DKK3: variants seen among roughly 807,000 people sequenced by gnomAD.
DKK3 encodes dickkopf-related protein 3.
A neutral mutation model predicts 33.2 loss-of-function variants in DKK3; 22 were observed. The ratio of observed to expected loss-of-function variants is 0.66; its 90% CI spans 0.47 to 0.95. The LOEUF (loss-of-function observed/expected upper bound fraction) is 0.95, where lower values mean the gene tolerates loss of function less well. Among genes scored for constraint, DKK3 ranks in the 40% least tolerant of loss-of-function variants. The pLI is 0.00. For missense variants in DKK3, 398 were observed against 458.4 expected, an observed-to-expected ratio of 0.87 and a Z score of 1.20; for synonymous variants, 194 against 188.8, an observed-to-expected ratio of 1.03 and a Z score of -0.23.
At chr11:11,992,621 T>C (rs547477576) in intron 3 of DKK3, among the ~76,000 whole-genome samples, 12 of 152,342 alleles carry the variant, frequency 7.9e-5, no homozygotes, top group African/African-American at 2.2e-4. Flanking sequence ...CTCTTGGGCA[T>C]GGCCTGGAAT....
In DKK3 at chr11:11,964,829, C is replaced by G; in HGVS notation, c.831-143G>C. 2.1e-6 allele frequency: 3 copies of G among 1,445,696 alleles called. No individual in the cohort carries two copies. The South Asian group carries it at 4.2e-5, about 20-fold the overall frequency. 89.6% of individuals were successfully genotyped at this position (1,445,696 alleles called of 1,614,324 possible). A position where few individuals can be genotyped will look rare whatever the true frequency, so the allele number is the denominator to read the frequency against. On this transcript the variant is annotated intron_variant, in intron 6 of 6. Transcript: ENST00000683431. ...TCTCTTCAACAGAGACACTTCACTT[C>G]CCGTCAACATCTATCTTAAAATGAT...
chr11:11,976,283 G>A (rs1386683425), intron 3 of DKK3, among the ~76,000 whole-genome samples: 1 of 152,218 alleles, frequency 6.6e-6, no homozygotes, highest in Non-Finnish European at 1.5e-5. Flanking sequence ...CAGTTGCAAT[G>A]GAACCAAGAG....
At chr11:12,008,828 C>T (rs1848600319), upstream of DKK3, 8 of 1,169,056 alleles carry the variant, frequency 6.8e-6, no homozygotes, top group Non-Finnish European at 8.4e-6. This position sits in a 1 kb window ranked among gnomAD's most constrained non-coding sequence, Gnocchi z 4.6. Flanking sequence ...CCCAGGACCC[C>T]GCACCCCCAT....
At chr11:11,984,138 C>A (rs555132975) in intron 3 of DKK3, among the ~76,000 whole-genome samples, 1 of 152,242 alleles carries the variant, frequency 6.6e-6, no homozygotes, top group East Asian at 1.9e-4. Context: ...GTACTAGGGA[C>A]CCCTTTAACA....
intron 4 of DKK3, 56 bp downstream of exon 4, chr11:11,968,339 T>C: frequency 6.5e-7 from 1 of 1,527,082 alleles, no homozygotes; most frequent in African/African-American, 1.4e-5. Context: ...CCTGGCTTTC[T>C]CCCCCAGGTG....
chr11:12,003,510 C>T (rs562636697), intron 1 of DKK3, among the ~76,000 whole-genome samples: 2 of 152,248 alleles, frequency 1.3e-5, no homozygotes, highest in East Asian at 3.9e-4. Context: ...ATATCTGCAC[C>T]CAACTTCCCC....
intron 3 of DKK3, among the ~76,000 whole-genome samples, chr11:11,981,104 G>A (rs12286932): frequency 0.17 from 25,534 of 152,220 alleles, 2,230 homozygotes; most frequent in South Asian, 0.25. Flanking sequence ...CAGAGCACTT[G>A]GCTCTAATGA....
intron 3 of DKK3, chr11:11,968,776 A>G: frequency 3.3e-6 from 1 of 301,606 alleles, no homozygotes; most frequent in South Asian, 7.7e-5. Context: ...CCAGGGCGGG[A>G]GCACAGGGAC....
At chr11:11,968,592 A>C in intron 3 of DKK3, 105 bp from the exon 4 acceptor site, 3 of 1,125,842 alleles carry the variant, frequency 2.7e-6, no homozygotes, top group Non-Finnish European at 3.8e-6. Flanking sequence ...TCTTGACCCC[A>C]CAGGCTCAGC....
In DKK3 at chr11:11,970,973, A is replaced by G. The variant is rs145023771; in HGVS notation, c.436-2486T>C. Among the ~76,000 whole-genome samples the G allele has an allele frequency of 5.3e-3, 803 of 152,232 alleles. 2 individuals carry two copies. The highest frequency in any genetic ancestry group is 8.3e-3 in the Non-Finnish European group (566 of 68,018). On this transcript the variant is annotated intron_variant, in intron 3 of 6. Transcript: ENST00000683431. Reference sequence around the variant, plus strand: ...CAATAGGAAACTAATAAAATATTCAATGTTAGTTTCAGGAAATAGGCATTG... The same window carrying G: ...CAATAGGAAACTAATAAAATATTCAGTGTTAGTTTCAGGAAATAGGCATTG...
intron 3 of DKK3, among the ~76,000 whole-genome samples, chr11:11,979,469 G>A (rs1288541770): frequency 6.6e-6 from 1 of 152,230 alleles, no homozygotes; most frequent in African/African-American, 2.4e-5. Context: ...AACTGAATCC[G>A]GATGTGGATC....
chr11:11,965,760 C>G (rs1454695893), intron 6 of DKK3, 49 bp downstream of exon 6: 1 of 1,590,476 alleles, frequency 6.3e-7, no homozygotes, highest in Non-Finnish European at 8.6e-7. Flanking sequence ...TGCTGGATGG[C>G]ACCTCCTCAG....
intron 3 of DKK3, among the ~76,000 whole-genome samples, chr11:11,969,260 C>A (rs778814204): frequency 1.3e-5 from 2 of 152,238 alleles, no homozygotes; most frequent in African/African-American, 2.4e-5. Flanking sequence ...GCTCCTGGAC[C>A]TGCTGTCAGG....
In DKK3 at chr11:12,003,902, C is replaced by T. The variant is rs531782503; in HGVS notation, c.214-1465G>A. 2.6e-5 allele frequency among the ~76,000 whole-genome samples: 4 copies of T among 152,276 alleles called. No individual in the cohort carries two copies. The South Asian group carries it at 8.3e-4, about 32-fold the overall frequency. On this transcript the variant is annotated intron_variant, in intron 1 of 6. Coordinates refer to ENST00000683431, the MANE Select transcript of DKK3 (RefSeq NM_001018057.2). ...CTCATGTCTCAATGCAACACAAAAA[C>T]ACTAAACTCAAAGTGTGAATAAAAC...
chr11:11,969,736 C>T (rs981669764), intron 3 of DKK3, among the ~76,000 whole-genome samples: 8 of 152,174 alleles, frequency 5.3e-5, no homozygotes, highest in African/African-American at 1.4e-4. Context: ...CAGGCCTGGA[C>T]CTCCGGCAGC....
intron 3 of DKK3, among the ~76,000 whole-genome samples, chr11:11,987,911 C>A (rs1848104792): frequency 6.6e-6 from 1 of 152,200 alleles, no homozygotes; most frequent in African/African-American, 2.4e-5. Flanking sequence ...ACTACTGCTT[C>A]CTGCCACAAG....
At chr11:11,983,565 A>AAG (rs573039822) in intron 3 of DKK3, among the ~76,000 whole-genome samples, 2 of 152,316 alleles carry the variant, frequency 1.3e-5, no homozygotes, top group East Asian at 3.9e-4. Flanking sequence ...TGCCATGGGT[A>AAG]AGACAGGCTG....
chr11:12,001,155 A>G (rs1477156671), intron 2 of DKK3, among the ~76,000 whole-genome samples: 2 of 152,250 alleles, frequency 1.3e-5, no homozygotes, highest in African/African-American at 4.8e-5. Context: ...TTATTGTCAG[A>G]AAGGGTGACT....
In DKK3 at chr11:12,002,321, ATG is replaced by A. The variant is rs777214570; in HGVS notation, c.328_329del (p.His110CysfsTer73). On this transcript the variant is annotated frameshift_variant, in exon 2 of 7. Coordinates refer to ENST00000683431, the MANE Select transcript of DKK3 (RefSeq NM_001018057.2). LOFTEE classifies it high-confidence loss of function. ...TTACCTTGTGAATTTCTCGGTGCACATGGATGGTATTATTTCCAACCTTCGTG... is the reference window on the plus strand; with the variant it reads ...TTACCTTGTGAATTTCTCGGTGCACAGATGGTATTATTTCCAACCTTCGTG... The part of the protein sequence containing the change: ...TDTKVGNNTI[H>X]VHREIHKITN... 6.2e-7 allele frequency: 1 copy of A among 1,613,910 alleles called. No individual in the cohort carries two copies. Among genetic ancestry groups the A allele is most frequent in the South Asian group, 1.1e-5 (1 of 91,044 alleles).
Sources: gnomAD v4.1 joint callset for allele counts (sites outside exome capture counted in the v4.1 genomes callset) on GRCh38, gnomAD v4.1.1 for gene constraint, Gnocchi (gnomAD v3.1) non-coding constraint, MANE v1.5 for transcripts, NCBI Gene and HGNC (gene_info 2026-07-23, HGNC 2026-07-21) for gene names.